Variants in NKTR observed in about 807,000 individuals in gnomAD.
NKTR encodes the protein natural killer cell triggering receptor.
NKTR carries 67 observed loss-of-function variants against 156.3 expected under a neutral mutation model. That is an observed-to-expected ratio of 0.43 (90% CI 0.35 to 0.53). NKTR has a LOEUF of 0.53. Ranked by LOEUF, NKTR falls within the 20% of genes least tolerant of loss-of-function variation. NKTR has a pLI of 0.01. For missense variants in NKTR, 1,604 were observed against 1,730.9 expected, an observed-to-expected ratio of 0.93 and a Z score of 1.30; for synonymous variants, 640 against 596.6, an observed-to-expected ratio of 1.07 and a Z score of -1.06.
rs142015233 is a variant in NKTR at position 42,635,325 on chromosome 3, A to G, written c.1122A>G (p.Ala374=). The G allele has an allele frequency of 1.9e-6, 3 of 1,613,218 alleles. No homozygotes were observed. Among genetic ancestry groups the G allele is most frequent in the Non-Finnish European group, 2.5e-6 (3 of 1,179,564 alleles). Residue 374 remains alanine (A), a synonymous_variant, in exon 12 of 17, where the codon GCA becomes GCG. Coordinates refer to ENST00000232978, the MANE Select transcript of NKTR (RefSeq NM_005385.4). ...AAGAGGAAATGCAGAGATTAAGAGCATATAGACCACCTAGTGGAGAAAAAT... is the reference window on the plus strand; with the variant it reads ...AAGAGGAAATGCAGAGATTAAGAGCGTATAGACCACCTAGTGGAGAAAAAT... The part of the protein sequence containing the change: ...HWKEEMQRLR[A]YRPPSGEKWS...
At chr3:42,604,484 T>C (rs1170883708) in intron 2 of NKTR, among the ~76,000 whole-genome samples, 5 of 151,878 alleles carry the variant, frequency 3.3e-5, no homozygotes, top group African/African-American at 1.2e-4. Flanking sequence ...CATTCTGCAC[T>C]TGAATGTACA....
rs755404952 is a variant in NKTR at position 42,637,360 on chromosome 3, A to G, written c.1656A>G (p.Arg552=). Residue 552 remains arginine, a synonymous_variant, in exon 13 of 17, where the codon AGA becomes AGG. Coordinates refer to ENST00000232978, the MANE Select transcript of NKTR (RefSeq NM_005385.4). The stretch of plus-strand genomic sequence containing the variant: ...ATTCTCGAAGTAGATCAAAGTCCAG[A>G]TCTAGTTCCAAGTCTGGGCACCGAA... ...SSHSRSRSKS[R]SSSKSGHRKR... The G allele has an allele frequency of 6.2e-7, 1 of 1,614,076 alleles. No individual in the cohort carries two copies. The highest frequency in any genetic ancestry group is 8.5e-7 in the Non-Finnish European group (1 of 1,180,026).
At chr3:42,639,858 G>A in intron 13 of NKTR, 108 bp downstream of exon 13, 1 of 831,882 alleles carries the variant, frequency 1.2e-6, no homozygotes, top group Non-Finnish European at 1.9e-6. Flanking sequence ...ATATCTGAAA[G>A]GAATAAGAAG....
chr3:42,633,508 A>G (rs746451372), intron 9 of NKTR, 72 bp from the exon 10 acceptor site: 101 of 1,547,632 alleles, frequency 6.5e-5, no homozygotes, highest in Non-Finnish European at 8.6e-5. Flanking sequence ...TGTTTTAGTA[A>G]CTAATTTTAT....
At chr3:42,630,427 TCCCC>T in intron 6 of NKTR, 115 bp from the exon 7 acceptor site, 1 of 1,543,634 alleles carries the variant, frequency 6.5e-7, no homozygotes, top group Admixed American at 2.0e-5. Flanking sequence ...TTTAACTTTT[TCCCC>T]TATCTTTTTA....
intron 2 of NKTR, among the ~76,000 whole-genome samples, chr3:42,610,594 A>AT (rs149516815): frequency 0.033 from 4,932 of 148,078 alleles, 127 homozygotes; most frequent in East Asian, 0.11. Context: ...CTATCGTGGG[A>AT]TTTTTTTTTT....
At chr3:42,644,146 A>G (rs576229457) in intron 16 of NKTR, 143 bp downstream of exon 16, 31 of 547,068 alleles carry the variant, frequency 5.7e-5, no homozygotes, top group Middle Eastern at 9.7e-4. Context: ...AATCTGAACA[A>G]CCCACAAGCA....
rs2125831189 is a variant in NKTR at position 42,646,872 on chromosome 3, C to T, written c.*897C>T. The stretch of plus-strand genomic sequence containing the variant: ...CACTTTGACTATTTGGGGGGCTTCT[C>T]TCAAGTACAGATGTGGGTTGGGGTC... On this transcript the variant is annotated 3_prime_UTR_variant, in exon 17 of 17. Coordinates refer to ENST00000232978, the MANE Select transcript of NKTR (RefSeq NM_005385.4). 1 of 152,560 alleles carries T rather than the reference C, an allele frequency of 6.6e-6. No individual in the cohort carries two copies. Among genetic ancestry groups the T allele is most frequent in the East Asian group, 1.9e-4 (1 of 5,186 alleles). 9.5% of individuals were successfully genotyped at this position (152,560 alleles called of 1,614,324 possible).
At position 42,638,627 on chromosome 3, in the gene NKTR, C is replaced by G. The variant is rs777331470; in HGVS notation, c.2923C>G (p.Gln975Glu). ...TTCGGAAAACAATAGGGGAAAGCCACAAAAGCACAAACATGGGTCAAAGGA... is the reference window on the plus strand; with the variant it reads ...TTCGGAAAACAATAGGGGAAAGCCAGAAAAGCACAAACATGGGTCAAAGGA... ...SNSENNRGKP[Q>E]KHKHGSKENL... The change falls in exon 13 of 17, where the codon CAA (glutamine) becomes GAA (glutamate). Residue 975 changes from glutamine (Q) to glutamate (E), a missense_variant. By Grantham distance (29) the Gln-to-Glu change is conservative (BLOSUM62 2). Coordinates refer to ENST00000232978, the MANE Select transcript of NKTR (RefSeq NM_005385.4). 6.2e-7 allele frequency: 1 copy of G among 1,613,062 alleles called. No homozygotes were observed. The highest frequency in any genetic ancestry group is 1.1e-5 in the South Asian group (1 of 90,838).
chr3:42,642,356 G>A lies in NKTR; in HGVS notation c.4047-145G>A, dbSNP rs1004013163. Reference sequence around the variant, plus strand: ...TGGTTGTTTTGAGAGTTCCTCATTAGCTGACACTGTCATATCCACTGTGAG... The same window carrying A: ...TGGTTGTTTTGAGAGTTCCTCATTAACTGACACTGTCATATCCACTGTGAG... On this transcript the variant is annotated intron_variant, in intron 13 of 16. Coordinates refer to ENST00000232978, the MANE Select transcript of NKTR (RefSeq NM_005385.4). The A allele has an allele frequency of 5.6e-6, 3 of 535,346 alleles. No homozygotes were observed. The African/African-American group carries it at 5.7e-5, about 10-fold the overall frequency. The allele number at this position is 535,346 out of a possible 1,614,324, so 33.2% of individuals were successfully genotyped here.
chr3:42,636,861 T>C lies in NKTR; in HGVS notation c.1164-7T>C. 3 of 1,548,288 alleles carry C rather than the reference T, an allele frequency of 1.9e-6. No individual in the cohort carries two copies. The highest frequency in any genetic ancestry group is 2.6e-6 in the Non-Finnish European group (3 of 1,154,458). On this transcript the variant is annotated splice_polypyrimidine_tract_variant and splice_region_variant and intron_variant, in intron 12 of 16. Transcript: ENST00000232978. Reference sequence around the variant, plus strand: ...ATCACCGCATGAATATTATGTCCTTTCTATAGGTTAAGTGACCCCTGTTCA... The same window carrying C: ...ATCACCGCATGAATATTATGTCCTTCCTATAGGTTAAGTGACCCCTGTTCA...
At chr3:42,619,392 C>T in intron 4 of NKTR, 2 of 1,198,994 alleles carry the variant, frequency 1.7e-6, no homozygotes, top group Non-Finnish European at 1.1e-6. Context: ...TGCCAAAGTA[C>T]TGTCTGATTG....
At chr3:42,620,488 C>A in intron 5 of NKTR, 2 of 983,752 alleles carry the variant, frequency 2.0e-6, no homozygotes, top group Non-Finnish European at 2.4e-6. Context: ...GCTATAATAG[C>A]TTCAGTGTTA....
intron 5 of NKTR, 148 bp from the exon 6 acceptor site, chr3:42,621,281 C>A: frequency 1.5e-6 from 2 of 1,330,542 alleles, no homozygotes; most frequent in East Asian, 3.0e-5. Flanking sequence ...ATTTGATTAG[C>A]TTAAATTTTT....
At chr3:42,619,393 T>C (rs1468688154) in intron 4 of NKTR, 2 of 1,204,564 alleles carry the variant, frequency 1.7e-6, no homozygotes, top group Admixed American at 7.3e-5. Context: ...GCCAAAGTAC[T>C]GTCTGATTGC....
intron 7 of NKTR, 187 bp from the exon 8 acceptor site, chr3:42,630,982 GTT>G (rs1708847746): frequency 3.5e-6 from 5 of 1,414,884 alleles, no homozygotes; most frequent in Non-Finnish European, 3.7e-6. Context: ...CTGAGGCCCA[GTT>G]TGCATAATCG....
chr3:42,619,221 G>C, intron 4 of NKTR, 94 bp downstream of exon 4: 1 of 1,542,156 alleles, frequency 6.5e-7, no homozygotes, highest in Non-Finnish European at 8.7e-7. Context: ...GTCAGTTACA[G>C]TATGATATAA....
In NKTR at chr3:42,633,654, G is replaced by T. The variant is rs151022212; in HGVS notation, c.848G>T (p.Arg283Leu). Residue 283 changes from arginine (R) to leucine (L), a missense_variant, in exon 10 of 17, where the codon CGC (arginine) becomes CTC (leucine). Physicochemically the swap from Arg to Leu is moderately radical, Grantham distance 102 (BLOSUM62 -2). This residue lies in a region of NKTR where 1,255 missense variants were observed against 1,243.7 expected (regional missense o/e 1.01). Transcript: ENST00000232978. ...SSAKREKPVVRPEEIPPVPEN... is the reference protein window; with the variant it reads ...SSAKREKPVVLPEEIPPVPEN... ...GCTAAAAGGGAAAAACCTGTGGTCC[G>T]CCCAGAAGAGATTCCTCCAGTGCCT... 2 of 1,614,098 alleles carry T rather than the reference G, an allele frequency of 1.2e-6. No individual in the cohort carries two copies. Among genetic ancestry groups the T allele is most frequent in the Non-Finnish European group, 1.7e-6 (2 of 1,179,982 alleles).
At chr3:42,625,260 AGAGT>A in intron 6 of NKTR, among the ~76,000 whole-genome samples, 1 of 152,278 alleles carries the variant, frequency 6.6e-6, no homozygotes, top group East Asian at 1.9e-4. Context: ...GCGCAGCCAT[AGAGT>A]AGGGATCTGC....
Sources: allele counts gnomAD v4.1 joint callset (sites outside exome capture counted in the v4.1 genomes callset), GRCh38; gene constraint gnomAD v4.1.1; regional missense constraint gnomAD v4.1.1; transcripts MANE v1.5; gene names NCBI Gene and HGNC (gene_info 2026-07-23, HGNC 2026-07-21).